LRP5: variants seen among roughly 807,000 people sequenced by gnomAD.
LRP5 encodes the protein LDL receptor related protein 5, also known as low-density lipoprotein receptor-related protein 5.
LRP5 carries 62 observed loss-of-function variants against 154.1 expected under a neutral mutation model. The ratio of observed to expected loss-of-function variants is 0.40; its 90% CI spans 0.33 to 0.50. The LOEUF (loss-of-function observed/expected upper bound fraction) is 0.50. Among genes scored for constraint, LRP5 ranks in the 20% least tolerant of loss-of-function variants. The probability of loss-of-function intolerance (pLI) is 0.55; values close to 1 mark genes in which losing one functional copy is unlikely to be tolerated. For synonymous variants in LRP5, 966 were observed against 1,011.5 expected (o/e 0.96, Z 0.85); for missense variants, 1,915 against 2,336.7 (o/e 0.82, Z 3.72).
chr11:68,314,949 C>T (rs992800870), intron 1 of LRP5, among the ~76,000 whole-genome samples: 4 of 152,236 alleles, frequency 2.6e-5, no homozygotes, highest in African/African-American at 4.8e-5. Flanking sequence ...TGCTTCCTGT[C>T]GTTTTTGGAA....
intron 17 of LRP5, among the ~76,000 whole-genome samples, chr11:68,432,005 G>A (rs1237293839): frequency 1.3e-5 from 2 of 152,224 alleles, no homozygotes; most frequent in Non-Finnish European, 2.9e-5. Context: ...GAAGGACAGG[G>A]CCTCACTGAG....
At chr11:68,359,785 T>C (rs1461634994) in intron 3 of LRP5, among the ~76,000 whole-genome samples, 3 of 151,278 alleles carry the variant, frequency 2.0e-5, no homozygotes, top group Non-Finnish European at 4.4e-5. Context: ...TTTGTTTGTT[T>C]GTTTGTTTTT....
chr11:68,357,673 G>A lies in LRP5; in HGVS notation c.512G>A (p.Gly171Asp). The change falls in exon 3 of 23, where the codon GGT (glycine) becomes GAT (aspartate). Residue 171 changes from glycine to aspartate, a missense_variant. Gly to Asp is a moderately conservative substitution (Grantham distance 94). Around this residue, in one of 3 missense-constraint regions of LRP5, gnomAD observed 773 missense variants for 1,100.9 expected, o/e 0.70. Coordinates refer to ENST00000294304, the MANE Select transcript of LRP5 (RefSeq NM_002335.4). Reference sequence around the variant, plus strand: ...AGGTACATGTACTGGACAGACTGGGGTGAGACGCCCCGGATTGAGCGGGCA... The same window carrying A: ...AGGTACATGTACTGGACAGACTGGGATGAGACGCCCCGGATTGAGCGGGCA... ...AHGYMYWTDW[G>D]ETPRIERAGM... 1 of 1,614,122 alleles carries A rather than the reference G, an allele frequency of 6.2e-7. No homozygotes were observed. Among genetic ancestry groups the A allele is most frequent in the Non-Finnish European group, 8.5e-7 (1 of 1,180,016 alleles).
At chr11:68,370,267 G>C (rs543297649) in intron 5 of LRP5, among the ~76,000 whole-genome samples, 2 of 152,124 alleles carry the variant, frequency 1.3e-5, no homozygotes, top group Non-Finnish European at 2.9e-5. Flanking sequence ...AGGGCATTGC[G>C]CTCCTTCTGC....
intron 12 of LRP5, among the ~76,000 whole-genome samples, chr11:68,414,567 C>G (rs1392511382): frequency 6.6e-6 from 1 of 152,146 alleles, no homozygotes; most frequent in Non-Finnish European, 1.5e-5. Flanking sequence ...GCAGGTGGGC[C>G]TCTTTGTTCT....
intron 3 of LRP5, among the ~76,000 whole-genome samples, chr11:68,359,442 T>G (rs1326027457): frequency 9.9e-5 from 15 of 152,126 alleles, no homozygotes; most frequent in Non-Finnish European, 1.9e-4. Context: ...GGGAGCTGAG[T>G]GATCTTACAG....
chr11:68,441,468 C>T (rs2098678179), intron 21 of LRP5, among the ~76,000 whole-genome samples: 1 of 152,210 alleles, frequency 6.6e-6, no homozygotes, highest in East Asian at 1.9e-4. Flanking sequence ...TGGACAGTAA[C>T]TGAGTGTTCT....
At chr11:68,348,826 C>T (rs2098615920) in intron 2 of LRP5, among the ~76,000 whole-genome samples, 1 of 152,016 alleles carries the variant, frequency 6.6e-6, no homozygotes, top group African/African-American at 2.4e-5. Flanking sequence ...CACCTGTAAT[C>T]CCAGCTTCTT....
chr11:68,446,619 G>A (rs1194103781), intron 22 of LRP5, 86 bp downstream of exon 22: 5 of 1,220,048 alleles, frequency 4.1e-6, no homozygotes, highest in Non-Finnish European at 4.8e-6. Flanking sequence ...CACTGATGAG[G>A]GGAGGTATTC....
At chr11:68,428,194 C>T (rs2098669945) in intron 16 of LRP5, among the ~76,000 whole-genome samples, 1 of 151,784 alleles carries the variant, frequency 6.6e-6, no homozygotes, top group South Asian at 2.1e-4. Flanking sequence ...GGGTTTTCGC[C>T]ATTTTGCCCA....
chr11:68,302,994 C>T, the LRP5 span, among the ~76,000 whole-genome samples: 2 of 152,228 alleles, frequency 1.3e-5, no homozygotes, highest in Non-Finnish European at 2.9e-5. Context: ...ATGGCCTTTC[C>T]TACTCCCTCT....
At chr11:68,418,388 C>T (rs567102855) in intron 13 of LRP5, among the ~76,000 whole-genome samples, 6 of 151,250 alleles carry the variant, frequency 4.0e-5, no homozygotes, top group African/African-American at 1.2e-4. Context: ...GGCAACAGAG[C>T]GAGACGCCAT....
chr11:68,332,393 G>GCT (rs1344851165), intron 1 of LRP5, among the ~76,000 whole-genome samples: 1 of 152,254 alleles, frequency 6.6e-6, no homozygotes, highest in East Asian at 1.9e-4. Flanking sequence ...CCCGGGCCTT[G>GCT]CTCTGCAGGC....
intron 7 of LRP5, 139 bp downstream of exon 7, chr11:68,390,191 C>A (rs561873857): frequency 1.8e-6 from 2 of 1,089,956 alleles, no homozygotes; most frequent in Non-Finnish European, 2.7e-6. Context: ...AAAATAGTTA[C>A]AATACTTTCT....
chr11:68,341,059 C>CCTTTTTTTTTTT (rs1555071026), intron 1 of LRP5, among the ~76,000 whole-genome samples: 28 of 83,476 alleles, frequency 3.4e-4, no homozygotes, highest in African/African-American at 1.3e-3. Flanking sequence ...GGAGATTGTT[C>CCTTTTTTTTTTT]TTTTTTTTTT....
chr11:68,372,711 G>A (rs1168296196), intron 5 of LRP5, among the ~76,000 whole-genome samples: 1 of 152,170 alleles, frequency 6.6e-6, no homozygotes, highest in Non-Finnish European at 1.5e-5. Context: ...TCAGTGCCGA[G>A]GGAGCGAGTC....
chr11:68,431,231 CTTTTT>C (rs34840282), intron 17 of LRP5, among the ~76,000 whole-genome samples: 1 of 92,966 alleles, frequency 1.1e-5, no homozygotes, highest in Non-Finnish European at 2.0e-5. Context: ...GCTGTGCACC[CTTTTT>C]TTTTTTTTTT....
Position 68,448,951 on chromosome 11 carries a change from C to A in LRP5, c.4729C>A (p.Pro1577Thr). Residue 1577 changes from proline to threonine, a missense_variant, in exon 23 of 23, where the codon CCC (proline) becomes ACC (threonine). Coordinates refer to ENST00000294304, the MANE Select transcript of LRP5 (RefSeq NM_002335.4). ...NSDSDPYPPP[P>T]TPHSQYLSAE... ...GGACTCAGACCCCTATCCACCCCCA[C>A]CCACGCCCCACAGCCAGTACCTGTC... is the stretch of plus-strand genomic sequence containing the variant. 6.2e-7 allele frequency: 1 copy of A among 1,613,114 alleles called. No homozygotes were observed.
intron 9 of LRP5, among the ~76,000 whole-genome samples, chr11:68,409,268 TAA>T (rs1234014354): frequency 7.1e-6 from 1 of 141,162 alleles, no homozygotes; most frequent in Non-Finnish European, 1.5e-5. Context: ...ATATATAATA[TAA>T]AAATATATAT....
Sources: gnomAD v4.1 joint callset for allele counts (sites outside exome capture counted in the v4.1 genomes callset) on GRCh38, gnomAD v4.1.1 for gene constraint, gnomAD v4.1.1 regional missense constraint, MANE v1.5 for transcripts, NCBI Gene and HGNC (gene_info 2026-07-23, HGNC 2026-07-21) for gene names.